The following RHOBTB2 variants were observed in gnomAD, a reference collection of about 807,000 sequenced individuals.
RHOBTB2 encodes Rho related BTB domain containing 2, also known as rho-related BTB domain-containing protein 2.
A neutral mutation model predicts 66.5 loss-of-function variants in RHOBTB2; 39 were observed. That is an observed-to-expected ratio of 0.59 (90% confidence interval 0.45 to 0.77). The LOEUF is 0.77. Ranked by LOEUF, RHOBTB2 falls within the 30% of genes least tolerant of loss-of-function variation. The probability of loss-of-function intolerance (pLI) is 0.00; values close to 1 mark genes in which losing one functional copy is unlikely to be tolerated. For missense variants in RHOBTB2, 755 were observed against 999.1 expected, an observed-to-expected ratio of 0.76 and a Z score of 3.29; for synonymous variants, 390 against 395.0, an observed-to-expected ratio of 0.99 and a Z score of 0.15.
At position 22,999,873 on chromosome 8, in the gene RHOBTB2, A is replaced by G; in HGVS notation, c.-243A>G. 1 of 984,974 alleles carries G rather than the reference A, an allele frequency of 1.0e-6. No individual in the cohort carries two copies. Among genetic ancestry groups the G allele is most frequent in the Non-Finnish European group, 1.2e-6 (1 of 829,810 alleles). 61.0% of individuals were successfully genotyped at this position (984,974 alleles called of 1,614,324 possible). A position where few individuals can be genotyped will look rare whatever the true frequency, so the allele number is the denominator to read the frequency against. ...CTGATCCGGAAGGGGCAGCGGCTGC[A>G]GTGCAGCGCGCGCGTCCGCTCCTGG... On this transcript the variant is annotated 5_prime_UTR_variant, in exon 1 of 10. Coordinates refer to ENST00000251822, the MANE Select transcript of RHOBTB2 (RefSeq NM_015178.3).
chr8:22,970,610 A>T, the RHOBTB2 span, among the ~76,000 whole-genome samples: 1 of 152,094 alleles, frequency 6.6e-6, no homozygotes, highest in South Asian at 2.1e-4. Flanking sequence ...CCCTAAAAAA[A>T]AAAAAAAATT....
chr8:22,967,692 AGAATG>A, the RHOBTB2 span, among the ~76,000 whole-genome samples: 1 of 151,582 alleles, frequency 6.6e-6, no homozygotes, highest in Non-Finnish European at 1.5e-5. Flanking sequence ...CACAGAAAGT[AGAATG>A]GTAGTTGCTA....
the RHOBTB2 span, among the ~76,000 whole-genome samples, chr8:22,962,255 TGA>T: frequency 3.9e-4 from 7 of 18,146 alleles, no homozygotes; most frequent in African/African-American, 1.8e-3. Flanking sequence ...TAAATTAAAA[TGA>T]AAAAAAAAAA....
In RHOBTB2 at chr8:22,999,898, G is replaced by A; in HGVS notation, c.-218G>A. 2 of 985,252 alleles carry A rather than the reference G, an allele frequency of 2.0e-6. No individual in the cohort carries two copies. The allele number at this position is 985,252 out of a possible 1,614,324, so 61.0% of individuals were successfully genotyped here. A position where few individuals can be genotyped will look rare whatever the true frequency, so the allele number is the denominator to read the frequency against. Reference sequence around the variant, plus strand: ...AGTGCAGCGCGCGCGTCCGCTCCTGGGCCCACGTCCGGCCTGGGCTGCCCT... The same window carrying A: ...AGTGCAGCGCGCGCGTCCGCTCCTGAGCCCACGTCCGGCCTGGGCTGCCCT... On this transcript the variant is annotated 5_prime_UTR_variant, in exon 1 of 10. It introduces an in-frame stop codon into an upstream open reading frame of the 5' UTR. Coordinates refer to ENST00000251822, the MANE Select transcript of RHOBTB2 (RefSeq NM_015178.3).
upstream of RHOBTB2, among the ~76,000 whole-genome samples, chr8:22,983,190 T>C (rs1456320712): frequency 1.3e-5 from 2 of 151,896 alleles, no homozygotes; most frequent in African/African-American, 4.8e-5. Flanking sequence ...GTGCCTCTGA[T>C]GTTGGGTTAG....
the RHOBTB2 span, among the ~76,000 whole-genome samples, chr8:22,965,251 A>T: frequency 1.3e-5 from 2 of 152,232 alleles, no homozygotes; most frequent in Non-Finnish European, 2.9e-5. Flanking sequence ...TTTAAAAATA[A>T]TTGTAATACA....
In RHOBTB2 at chr8:22,992,350, C is replaced by T. The variant is rs75752933; in HGVS notation, c.-24+170C>T. On this transcript the variant is annotated intron_variant, in intron 2 of 11. Coordinates refer to the RHOBTB2 transcript ENST00000519685. ...TCCATGCTGCAAGAGATGCTAATGCCTCATGAAAAAGTTGTGAAAAAAAAC... is the reference window on the plus strand; with the variant it reads ...TCCATGCTGCAAGAGATGCTAATGCTTCATGAAAAAGTTGTGAAAAAAAAC... Among the ~76,000 whole-genome samples the T allele has an allele frequency of 4.7e-3, 711 of 152,150 alleles. 3 individuals are homozygous for T. Among genetic ancestry groups the T allele is most frequent in the African/African-American group, 0.016 (667 of 41,488 alleles).
At chr8:22,962,990 T>C in the RHOBTB2 span, among the ~76,000 whole-genome samples, 1 of 152,154 alleles carries the variant, frequency 6.6e-6, no homozygotes, top group African/African-American at 2.4e-5. Context: ...AAGTGCTGAA[T>C]AGGGAGGTGG....
chr8:23,008,132 G>C lies in RHOBTB2; in HGVS notation c.1620+21G>C, dbSNP rs73559727. On this transcript the variant is annotated intron_variant, in intron 6 of 9. Transcript: ENST00000251822. Reference sequence around the variant, plus strand: ...GGGAGGTAAGGCTGAGGACACAAAGGGGGGAAGGAGGGAGTGAGACATTTG... The same window carrying C: ...GGGAGGTAAGGCTGAGGACACAAAGCGGGGAAGGAGGGAGTGAGACATTTG... 3.8e-3 allele frequency: 5,777 copies of C among 1,518,132 alleles called. 201 individuals are homozygous for C. In the African/African-American group the frequency reaches 0.067, roughly 18 times the overall value. The allele number at this position is 1,518,132 out of a possible 1,614,324, so 94.0% of individuals were successfully genotyped here. A position where few individuals can be genotyped will look rare whatever the true frequency, so the allele number is the denominator to read the frequency against.
the RHOBTB2 span, among the ~76,000 whole-genome samples, chr8:22,957,612 G>A: frequency 6.6e-6 from 1 of 152,184 alleles, no homozygotes; most frequent in Non-Finnish European, 1.5e-5. Flanking sequence ...GCCCAATAAC[G>A]AGATGCAGAT....
chr8:22,993,392 G>A (rs555252869), intron 2 of RHOBTB2, among the ~76,000 whole-genome samples: 2 of 152,180 alleles, frequency 1.3e-5, no homozygotes, highest in South Asian at 2.1e-4. Flanking sequence ...CTCCACACAC[G>A]GCCCAGATGG....
rs146799901 is a variant in RHOBTB2 at position 23,020,088 on chromosome 8, C to G, written c.*2619C>G. ...TTTCCTGTCACTCAGAGCTGATTCA[C>G]AGGAGGAGGGGAGGTTGGGGGGCGG... On this transcript the variant is annotated 3_prime_UTR_variant, in exon 10 of 10. Coordinates refer to ENST00000251822, the MANE Select transcript of RHOBTB2 (RefSeq NM_015178.3). 4.0e-4 allele frequency: 147 copies of G among 366,380 alleles called. 1 individual carries two copies. The highest frequency in any genetic ancestry group is 2.8e-3 in the African/African-American group (134 of 47,052). The allele number at this position is 366,380 out of a possible 1,614,324, so 22.7% of individuals were successfully genotyped here.
upstream of RHOBTB2, among the ~76,000 whole-genome samples, chr8:22,997,023 G>A (rs954399882): frequency 1.3e-5 from 2 of 152,162 alleles, no homozygotes; most frequent in Non-Finnish European, 2.9e-5. Flanking sequence ...CTGGGGCACA[G>A]GCCGGCGGCT....
upstream of RHOBTB2, among the ~76,000 whole-genome samples, chr8:22,998,001 C>T (rs1810623878): frequency 6.6e-6 from 1 of 152,200 alleles, no homozygotes; most frequent in African/African-American, 2.4e-5. Context: ...AGGGTGAGTT[C>T]TAACCAGAAA....
chr8:23,006,201 C>T lies in RHOBTB2; in HGVS notation c.482+56C>T, dbSNP rs1462150127. 4.8e-6 allele frequency: 7 copies of T among 1,453,366 alleles called. No homozygotes were observed. The highest frequency in any genetic ancestry group is 3.6e-5 in the Admixed American group (2 of 55,464). 90.0% of individuals were successfully genotyped at this position (1,453,366 alleles called of 1,614,324 possible). A position where few individuals can be genotyped will look rare whatever the true frequency, so the allele number is the denominator to read the frequency against. On this transcript the variant is annotated intron_variant, in intron 4 of 9. Transcript: ENST00000251822. This position sits in a 1 kb window ranked among gnomAD's most constrained non-coding sequence, Gnocchi z 6.1. The stretch of plus-strand genomic sequence containing the variant: ...ATGGATGGGTGCCTCACCATGGCTC[C>T]CTGCTCAGCCCTGGGGGAATTCCAC...
chr8:22,965,515 T>C, the RHOBTB2 span, among the ~76,000 whole-genome samples: 2 of 152,228 alleles, frequency 1.3e-5, no homozygotes, highest in African/African-American at 2.4e-5. Flanking sequence ...AGACTCATAC[T>C]TCCTGATGTC....
intron 8 of RHOBTB2, 49 bp downstream of exon 8, chr8:23,014,827 G>C: frequency 6.8e-7 from 1 of 1,475,014 alleles, no homozygotes; most frequent in Non-Finnish European, 9.5e-7. Flanking sequence ...TCTACACTCT[G>C]CCTGCCCATT....
chr8:22,962,171 C>T, the RHOBTB2 span, among the ~76,000 whole-genome samples: 4 of 2,292 alleles, frequency 1.7e-3, no homozygotes, highest in Non-Finnish European at 4.2e-3. Context: ...AAAACAATAA[C>T]GAATTTACAA....
the RHOBTB2 span, among the ~76,000 whole-genome samples, chr8:22,974,222 T>C: frequency 6.6e-6 from 1 of 152,268 alleles, no homozygotes; most frequent in South Asian, 2.1e-4. Flanking sequence ...TCTGCAGACA[T>C]CTGGCCCCGA....
Sources: gnomAD v4.1 joint callset for allele counts (sites outside exome capture counted in the v4.1 genomes callset) on GRCh38, gnomAD v4.1.1 for gene constraint, Gnocchi (gnomAD v3.1) non-coding constraint, MANE v1.5 for transcripts, NCBI Gene and HGNC (gene_info 2026-07-23, HGNC 2026-07-21) for gene names.